The following DAB1 variants were observed in gnomAD, a reference collection of about 807,000 sequenced individuals.
The protein encoded by DAB1 is DAB adaptor protein 1.
In DAB1, 15 loss-of-function variants were observed where a neutral mutation model predicts 64.6. That is an observed-to-expected ratio of 0.23 (90% CI 0.16 to 0.36). DAB1 has a LOEUF of 0.36. Ranked by LOEUF, DAB1 falls within the 10% of genes least tolerant of loss-of-function variation. The pLI is 1.00. For missense variants in DAB1, 596 were observed against 706.7 expected (o/e 0.84, Z 1.78); for synonymous variants, 235 against 251.9 (o/e 0.93, Z 0.64).
intron 7 of DAB1, among the ~76,000 whole-genome samples, chr1:57,622,281 G>A (rs540069252): frequency 2.7e-4 from 41 of 152,266 alleles, no homozygotes; most frequent in Admixed American, 7.8e-4. Flanking sequence ...GGCATCTTTT[G>A]CCCAGTAAAT....
At chr1:58,183,376 C>A (rs988295185) in intron 4 of DAB1, among the ~76,000 whole-genome samples, 3 of 151,128 alleles carry the variant, frequency 2.0e-5, no homozygotes, top group Admixed American at 6.6e-5. Context: ...ATTATGCACA[C>A]AGCTGCACCT....
chr1:57,723,384 A>C (rs1647173522), intron 6 of DAB1, among the ~76,000 whole-genome samples: 1 of 152,196 alleles, frequency 6.6e-6, no homozygotes, highest in Admixed American at 6.5e-5. Flanking sequence ...TTATGAATGC[A>C]TGCCTGTTTC....
At chr1:58,337,677 G>A (rs1024986171) in intron 4 of DAB1, among the ~76,000 whole-genome samples, 1 of 152,084 alleles carries the variant, frequency 6.6e-6, no homozygotes, top group Non-Finnish European at 1.5e-5. Flanking sequence ...TTATAAAGAA[G>A]TATAAGGGAA....
chr1:57,971,328 T>C (rs1645791599), intron 5 of DAB1, among the ~76,000 whole-genome samples: 1 of 152,222 alleles, frequency 6.6e-6, no homozygotes, highest in African/African-American at 2.4e-5. Flanking sequence ...ATGGGCAGAC[T>C]TCCTACCTTG....
At chr1:58,253,165 C>T (rs1570543310) in intron 4 of DAB1, among the ~76,000 whole-genome samples, 1 of 152,196 alleles carries the variant, frequency 6.6e-6, no homozygotes, top group Non-Finnish European at 1.5e-5. Flanking sequence ...TTATGAACCT[C>T]TCAAAGTTTT....
intron 2 of DAB1, among the ~76,000 whole-genome samples, chr1:57,154,979 G>A (rs1176480844): frequency 1.3e-5 from 2 of 152,008 alleles, no homozygotes; most frequent in East Asian, 3.9e-4. Context: ...CTCATTCTGT[G>A]GGTTATGTCT....
At chr1:57,110,655 T>C (rs2100722048) in intron 4 of DAB1, among the ~76,000 whole-genome samples, 1 of 152,284 alleles carries the variant, frequency 6.6e-6, no homozygotes, top group African/African-American at 2.4e-5. Context: ...TCTCAAACCC[T>C]CAGCCTAATG....
chr1:57,398,680 T>A (rs1683006715), intron 1 of DAB1, among the ~76,000 whole-genome samples: 2 of 152,180 alleles, frequency 1.3e-5, no homozygotes, highest in African/African-American at 2.4e-5. Flanking sequence ...AAACACCCCA[T>A]GTTTACAAGT....
At chr1:57,439,442 T>TTTTTTG in intron 7 of DAB1, among the ~76,000 whole-genome samples, 1 of 137,866 alleles carries the variant, frequency 7.3e-6, no homozygotes, top group Admixed American at 7.2e-5. Context: ...TTTTTTTTTT[T>TTTTTTG]TTTTTGAGAC....
chr1:57,577,685 G>C (rs1179312076), intron 7 of DAB1, among the ~76,000 whole-genome samples: 1 of 152,130 alleles, frequency 6.6e-6, no homozygotes, highest in Non-Finnish European at 1.5e-5. Context: ...AGGGGGAGGG[G>C]TGGCTGTTAA....
At chr1:57,897,345 G>C (rs1644406206) in intron 5 of DAB1, among the ~76,000 whole-genome samples, 1 of 152,138 alleles carries the variant, frequency 6.6e-6, no homozygotes. Context: ...AAGAGAACGA[G>C]ACAGGCAGAG....
At chr1:57,799,122 C>G (rs573913988) in intron 6 of DAB1, among the ~76,000 whole-genome samples, 4 of 152,288 alleles carry the variant, frequency 2.6e-5, no homozygotes, top group African/African-American at 9.6e-5. Flanking sequence ...GTTTCTTCGG[C>G]TGCAAAATGG....
chr1:58,229,445 C>T (rs1225445166), intron 4 of DAB1, among the ~76,000 whole-genome samples: 1 of 152,154 alleles, frequency 6.6e-6, no homozygotes, highest in Non-Finnish European at 1.5e-5. Flanking sequence ...GAACCAGGTC[C>T]TGTGTAGGAC....
At chr1:58,039,205 G>A (rs1570263378) in intron 5 of DAB1, among the ~76,000 whole-genome samples, 1 of 152,120 alleles carries the variant, frequency 6.6e-6, no homozygotes, top group South Asian at 2.1e-4. Flanking sequence ...AATCGCTCTA[G>A]AATCCATATC....
intron 1 of DAB1, among the ~76,000 whole-genome samples, chr1:57,359,238 C>G (rs1679358621): frequency 6.6e-6 from 1 of 151,794 alleles, no homozygotes; most frequent in Non-Finnish European, 1.5e-5. Context: ...ACTCAAACAA[C>G]TCAATAGCAA....
intron 3 of DAB1, among the ~76,000 whole-genome samples, chr1:58,505,161 A>G (rs1645968095): frequency 6.6e-6 from 1 of 152,204 alleles, no homozygotes; most frequent in Non-Finnish European, 1.5e-5. Flanking sequence ...CCCGTTGGCC[A>G]GGCTGGTCTC....
chr1:57,145,603 A>C (rs1307132373), intron 2 of DAB1, among the ~76,000 whole-genome samples, 174 bp from the exon 3 acceptor site: 1 of 152,230 alleles, frequency 6.6e-6, no homozygotes, highest in Non-Finnish European at 1.5e-5. Flanking sequence ...GACTCCATCC[A>C]TTTAAGTCCT....
At chr1:58,484,388 T>A (rs1645539749) in intron 3 of DAB1, among the ~76,000 whole-genome samples, 1 of 152,226 alleles carries the variant, frequency 6.6e-6, no homozygotes, top group Non-Finnish European at 1.5e-5. Flanking sequence ...TTTTGTTATA[T>A]AGGACCAAAC....
intron 5 of DAB1, among the ~76,000 whole-genome samples, chr1:58,010,096 C>T (rs1186279754): frequency 1.3e-5 from 2 of 152,116 alleles, no homozygotes; most frequent in African/African-American, 4.8e-5. Context: ...CATGTGTATC[C>T]AATGCTGCAC....
Sources: allele counts gnomAD v4.1 joint callset (sites outside exome capture counted in the v4.1 genomes callset), GRCh38; gene constraint gnomAD v4.1.1; transcripts MANE v1.5; gene names NCBI Gene and HGNC (gene_info 2026-07-23, HGNC 2026-07-21).